Variants in GABRB2 observed in about 807,000 individuals in gnomAD.
GABRB2 encodes the protein gamma-aminobutyric acid type A receptor subunit beta2.
In GABRB2, 16 loss-of-function variants were observed where a neutral mutation model predicts 54.7. The observed-to-expected ratio is 0.29, with a 90% confidence interval of 0.20 to 0.44. The LOEUF is 0.44. GABRB2 is among the 20% of genes least tolerant of loss of function. GABRB2 has a pLI of 1.00. For synonymous variants in GABRB2, 244 were observed against 233.8 expected, an observed-to-expected ratio of 1.04 and a Z score of -0.40; for missense variants, 355 against 644.0, an observed-to-expected ratio of 0.55 and a Z score of 4.86.
At chr5:161,438,536 C>T (rs552345974) in intron 4 of GABRB2, among the ~76,000 whole-genome samples, 3 of 152,150 alleles carry the variant, frequency 2.0e-5, no homozygotes, top group Non-Finnish European at 2.9e-5. Context: ...AACATGACCT[C>T]ACCAAATGAA....
chr5:161,401,607 A>G (rs187969279), intron 5 of GABRB2, among the ~76,000 whole-genome samples: 8 of 152,352 alleles, frequency 5.3e-5, no homozygotes, highest in Non-Finnish European at 7.3e-5. Flanking sequence ...ATTAAATTAT[A>G]TCTGCCTTTA....
chr5:161,414,130 A>G (rs750857174), intron 4 of GABRB2, among the ~76,000 whole-genome samples: 1 of 152,202 alleles, frequency 6.6e-6, no homozygotes, highest in Non-Finnish European at 1.5e-5. Context: ...TCTTCTAGTC[A>G]ATATTTACAA....
intron 5 of GABRB2, among the ~76,000 whole-genome samples, chr5:161,402,847 C>T (rs376572489): frequency 5.9e-5 from 9 of 152,252 alleles, no homozygotes; most frequent in South Asian, 2.1e-4. Context: ...GTGAGAATCA[C>T]GCTCCAGAAC....
intron 4 of GABRB2, among the ~76,000 whole-genome samples, chr5:161,422,469 T>C (rs1198583457): frequency 1.3e-5 from 2 of 152,226 alleles, no homozygotes; most frequent in African/African-American, 4.8e-5. Context: ...TATTAATAAG[T>C]GAAAGTTAAA....
intron 3 of GABRB2, among the ~76,000 whole-genome samples, chr5:161,510,120 GT>G (rs1420962871): frequency 2.0e-5 from 3 of 151,756 alleles, no homozygotes; most frequent in African/African-American, 4.8e-5. Context: ...TATCCTTTGT[GT>G]TACAAACAAT....
chr5:161,385,368 T>C (rs1755592663), intron 5 of GABRB2, among the ~76,000 whole-genome samples: 1 of 152,218 alleles, frequency 6.6e-6, no homozygotes, highest in Non-Finnish European at 1.5e-5. Context: ...TCCTTTCTCA[T>C]CTGTGGTAAT....
At chr5:161,519,620 T>G (rs2113426220) in intron 3 of GABRB2, among the ~76,000 whole-genome samples, 1 of 152,276 alleles carries the variant, frequency 6.6e-6, no homozygotes, top group East Asian at 1.9e-4. Context: ...AATTGAGGAT[T>G]AATTAAAGCA....
chr5:161,334,718 G>C, intron 7 of GABRB2, 34 bp downstream of exon 7: 1 of 1,609,216 alleles, frequency 6.2e-7, no homozygotes, highest in Non-Finnish European at 8.5e-7. Context: ...TACACACAGA[G>C]TCAAAATCCA....
At chr5:161,368,818 T>A (rs1253416895) in intron 5 of GABRB2, among the ~76,000 whole-genome samples, 1 of 152,074 alleles carries the variant, frequency 6.6e-6, no homozygotes, top group African/African-American at 2.4e-5. Flanking sequence ...ATGTTAGAGA[T>A]TAGATGGAAA....
intron 5 of GABRB2, among the ~76,000 whole-genome samples, chr5:161,385,827 G>C (rs896683081): frequency 6.6e-6 from 1 of 152,018 alleles, no homozygotes; most frequent in African/African-American, 2.4e-5. Context: ...TAAGTCTAAA[G>C]AGACTGTGTG....
At chr5:161,501,028 C>T (rs529767402) in intron 3 of GABRB2, among the ~76,000 whole-genome samples, 2 of 151,374 alleles carry the variant, frequency 1.3e-5, no homozygotes, top group Non-Finnish European at 2.9e-5. Context: ...TGTTCCCCTT[C>T]CTGTGTCCAT....
intron 5 of GABRB2, among the ~76,000 whole-genome samples, chr5:161,401,818 T>C (rs1756200631): frequency 6.6e-6 from 1 of 152,126 alleles, no homozygotes; most frequent in Non-Finnish European, 1.5e-5. Context: ...ACACATTCTC[T>C]ATGATGTGAA....
intron 5 of GABRB2, among the ~76,000 whole-genome samples, chr5:161,384,670 T>C (rs535604112): frequency 2.2e-4 from 33 of 152,332 alleles, no homozygotes; most frequent in African/African-American, 7.9e-4. Context: ...TTAGTATTAC[T>C]GAGGATAATT....
chr5:161,321,580 A>T (rs1758211116), intron 9 of GABRB2, among the ~76,000 whole-genome samples: 1 of 152,192 alleles, frequency 6.6e-6, no homozygotes. Context: ...CACAGAAGCT[A>T]TTCCTTAATA....
intron 3 of GABRB2, among the ~76,000 whole-genome samples, chr5:161,468,121 A>G (rs965012127): frequency 3.3e-5 from 5 of 152,072 alleles, no homozygotes; most frequent in African/African-American, 1.2e-4. Flanking sequence ...AGTTCCTGTA[A>G]TGCCATTGTT....
At chr5:161,530,169 G>A (rs1259799221) in intron 3 of GABRB2, among the ~76,000 whole-genome samples, 1 of 152,036 alleles carries the variant, frequency 6.6e-6, no homozygotes, top group Non-Finnish European at 1.5e-5. Context: ...GAAACCCAGA[G>A]CTCCAGCATT....
chr5:161,334,635 G>A (rs1300771602), intron 7 of GABRB2, 117 bp downstream of exon 7: 27 of 968,556 alleles, frequency 2.8e-5, no homozygotes, highest in Non-Finnish European at 4.2e-5. Flanking sequence ...CTCTTACAGT[G>A]TGAGAGGTTC....
intron 3 of GABRB2, among the ~76,000 whole-genome samples, chr5:161,479,172 C>A (rs944482741): frequency 3.9e-5 from 6 of 151,998 alleles, no homozygotes; most frequent in African/African-American, 1.4e-4. Flanking sequence ...GATGCAAAGA[C>A]AATGTTTTTT....
At chr5:161,541,018 G>A (rs1760794587) in intron 3 of GABRB2, among the ~76,000 whole-genome samples, 1 of 152,078 alleles carries the variant, frequency 6.6e-6, no homozygotes, top group African/African-American at 2.4e-5. Flanking sequence ...GCTAATTTTT[G>A]TATTTTTTGT....
Sources: allele counts gnomAD v4.1 joint callset (sites outside exome capture counted in the v4.1 genomes callset), GRCh38; gene constraint gnomAD v4.1.1; transcripts MANE v1.5; gene names NCBI Gene and HGNC (gene_info 2026-07-23, HGNC 2026-07-21).